Variants in GNAI3 observed in about 807,000 individuals in gnomAD.
GNAI3 encodes guanine nucleotide-binding protein G(i) subunit alpha-3.
In GNAI3, 12 loss-of-function variants were observed where a neutral mutation model predicts 41.8. The ratio of observed to expected loss-of-function variants is 0.29; its 90% CI spans 0.18 to 0.47. The LOEUF is 0.47. GNAI3 is among the 20% of genes least tolerant of loss of function. GNAI3 has a pLI of 1.00. For missense variants in GNAI3, 360 were observed against 429.6 expected (o/e 0.84, Z 1.43); for synonymous variants, 132 against 146.5 (o/e 0.90, Z 0.71).
chr1:109,564,019 C>T (rs1648384731), intron 1 of GNAI3, among the ~76,000 whole-genome samples: 1 of 149,570 alleles, frequency 6.7e-6, no homozygotes, highest in African/African-American at 2.5e-5. Context: ...TCCTTAAAGC[C>T]TATTCCATTC....
intron 7 of GNAI3, among the ~76,000 whole-genome samples, chr1:109,590,749 A>G (rs28435196): frequency 2.6e-5 from 4 of 151,936 alleles, no homozygotes; most frequent in Admixed American, 6.6e-5. Context: ...GATTTTTAGT[A>G]GAGATGTGGT....
intron 5 of GNAI3, among the ~76,000 whole-genome samples, chr1:109,583,394 A>G (rs993056004): frequency 3.3e-5 from 5 of 151,880 alleles, no homozygotes; most frequent in African/African-American, 1.2e-4. Context: ...AAAAAATTTT[A>G]TGTAGAGACA....
chr1:109,583,833 C>A (rs970309218), intron 5 of GNAI3, among the ~76,000 whole-genome samples: 1 of 151,638 alleles, frequency 6.6e-6, no homozygotes, highest in South Asian at 2.1e-4. Context: ...CCTGGTGATC[C>A]GCCCACCTTG....
chr1:109,592,303 GT>G, intron 8 of GNAI3, 41 bp from the exon 9 acceptor site: 1 of 1,002,888 alleles, frequency 1.0e-6, no homozygotes, highest in Admixed American at 2.1e-5. Flanking sequence ...ATGTCTCTTG[GT>G]TTTTAAACTT....
chr1:109,563,295 C>T (rs777102218), intron 1 of GNAI3, among the ~76,000 whole-genome samples: 1 of 152,168 alleles, frequency 6.6e-6, no homozygotes, highest in Non-Finnish European at 1.5e-5. Flanking sequence ...GGGGAAGGAT[C>T]GCTTGAGCCC....
At chr1:109,556,941 G>A (rs943241585) in intron 1 of GNAI3, among the ~76,000 whole-genome samples, 15 of 152,158 alleles carry the variant, frequency 9.9e-5, no homozygotes, top group Middle Eastern at 6.8e-3. Flanking sequence ...TTACTATTTA[G>A]TTCTCTTTCC....
intron 1 of GNAI3, among the ~76,000 whole-genome samples, chr1:109,571,361 A>G (rs1038863614): frequency 2.0e-5 from 3 of 152,252 alleles, no homozygotes; most frequent in African/African-American, 7.2e-5. Flanking sequence ...TCATTAGTAT[A>G]GAGACAGTAT....
chr1:109,573,214 G>A (rs1255159506), intron 1 of GNAI3, among the ~76,000 whole-genome samples: 1 of 152,138 alleles, frequency 6.6e-6, no homozygotes. Flanking sequence ...GCTAAGGAGG[G>A]CAGGGTGGTC....
In GNAI3 at chr1:109,598,835, T is replaced by C. The variant is rs1239985553; in HGVS notation, c.*6513T>C. 3.8e-6 allele frequency: 2 copies of C among 526,228 alleles called. No individual in the cohort carries two copies. Among genetic ancestry groups the C allele is most frequent in the East Asian group, 1.1e-4 (2 of 18,170 alleles). 32.6% of individuals were successfully genotyped at this position (526,228 alleles called of 1,614,324 possible). ...TACCTAGCAGGACCACCAGAGGCTC[T>C]GTCACACTTGCAGTCCCTGGCCCAA... On this transcript the variant is annotated 3_prime_UTR_variant, in exon 9 of 9. Coordinates refer to ENST00000369851, the MANE Select transcript of GNAI3 (RefSeq NM_006496.4).
rs927837887 is a variant in GNAI3, at chr1:109,592,475, AG to A, written c.*156del. On this transcript the variant is annotated 3_prime_UTR_variant, in exon 9 of 9. Transcript: ENST00000369851. ...ACTCTTTAGCACAATATTTTGTATT[AG>A]GGAACTTTTAATTGACATGAGATGC... 2 of 333,994 alleles carry A rather than the reference AG, an allele frequency of 6.0e-6. No homozygotes were observed. The highest frequency in any genetic ancestry group is 4.1e-5 in the African/African-American group (2 of 48,218). The allele number at this position is 333,994 out of a possible 1,614,324, so 20.7% of individuals were successfully genotyped here.
At chr1:109,579,406 T>C (rs1465771656) in intron 4 of GNAI3, 45 bp downstream of exon 4, 1 of 1,441,734 alleles carries the variant, frequency 6.9e-7, no homozygotes, top group African/African-American at 1.4e-5. Context: ...AATAACTTGG[T>C]GACACTACAG....
intron 1 of GNAI3, among the ~76,000 whole-genome samples, chr1:109,559,365 A>G (rs937646387): frequency 6.6e-6 from 1 of 152,198 alleles, no homozygotes; most frequent in African/African-American, 2.4e-5. Flanking sequence ...ATACCATGCA[A>G]TTAATACAGG....
chr1:109,589,224 G>C (rs1363568345), intron 7 of GNAI3, among the ~76,000 whole-genome samples: 1 of 152,154 alleles, frequency 6.6e-6, no homozygotes, highest in Non-Finnish European at 1.5e-5. Flanking sequence ...ATTGGCAGGA[G>C]AGGAAGAAAG....
chr1:109,548,785 A>G lies in GNAI3; in HGVS notation c.65A>G (p.Asn22Ser), dbSNP rs1571143525. ...AVERSKMIDR[N>S]LREDGEKAAK... The stretch of plus-strand genomic sequence containing the variant: ...GAGCGAAGCAAGATGATCGACCGCA[A>G]CTTACGGGAGGACGGGGAAAAAGCG... The change falls in exon 1 of 9, where the codon AAC becomes AGC. Residue 22 changes from asparagine to serine, a missense_variant. Asn to Ser is a conservative substitution (Grantham distance 46). Transcript: ENST00000369851. 8 of 1,613,514 alleles carry G rather than the reference A, an allele frequency of 5.0e-6. No individual in the cohort carries two copies. The highest frequency in any genetic ancestry group is 1.1e-5 in the South Asian group (1 of 90,898).
chr1:109,551,526 A>C (rs1398562436), intron 1 of GNAI3, among the ~76,000 whole-genome samples: 1 of 152,224 alleles, frequency 6.6e-6, no homozygotes, highest in East Asian at 1.9e-4. Flanking sequence ...TCCTGAAGTC[A>C]GACTGCTTTA....
At chr1:109,570,389 T>C (rs139220654) in intron 1 of GNAI3, among the ~76,000 whole-genome samples, 1 of 152,362 alleles carries the variant, frequency 6.6e-6, no homozygotes, top group East Asian at 1.9e-4. Context: ...AGATAATTTA[T>C]GTCATGACCA....
chr1:109,576,527 G>GT (rs912315530), intron 3 of GNAI3, among the ~76,000 whole-genome samples: 160 of 147,942 alleles, frequency 1.1e-3, no homozygotes, highest in African/African-American at 3.3e-3. Flanking sequence ...GTTGTTTTTT[G>GT]TTTTTTTTGA....
At chr1:109,580,681 G>A (rs998216429) in intron 4 of GNAI3, among the ~76,000 whole-genome samples, 1 of 152,172 alleles carries the variant, frequency 6.6e-6, no homozygotes, top group African/African-American at 2.4e-5. Context: ...GTAGGCAATT[G>A]TAACATAATG....
chr1:109,586,649 C>G (rs1649039386), intron 6 of GNAI3, 80 bp from the exon 7 acceptor site: 2 of 1,032,480 alleles, frequency 1.9e-6, no homozygotes, highest in South Asian at 3.1e-5. Context: ...TGCTGCAAAA[C>G]TTGTTGGTTT....
Sources: gnomAD v4.1 joint callset for allele counts (sites outside exome capture counted in the v4.1 genomes callset) on GRCh38, gnomAD v4.1.1 for gene constraint, MANE v1.5 for transcripts, NCBI Gene and HGNC (gene_info 2026-07-23, HGNC 2026-07-21) for gene names.